CLDN16: variants seen among roughly 807,000 people sequenced by gnomAD.
The protein encoded by CLDN16 is claudin 16, also known as claudin-16.
CLDN16 carries 13 observed loss-of-function variants against 24.6 expected under a neutral mutation model. The observed-to-expected ratio is 0.53, with a 90% CI of 0.34 to 0.84. The LOEUF (loss-of-function observed/expected upper bound fraction) is 0.84, where lower values mean the gene tolerates loss of function less well. CLDN16 is among the 40% of genes least tolerant of loss of function. The pLI is 0.01. For synonymous variants in CLDN16, 116 were observed against 106.7 expected, an observed-to-expected ratio of 1.09 and a Z score of -0.54; for missense variants, 298 against 292.7, an observed-to-expected ratio of 1.02 and a Z score of -0.13.
intron 2 of CLDN16, among the ~76,000 whole-genome samples, chr3:190,372,480 C>A (rs142540793): frequency 4.6e-5 from 7 of 151,714 alleles, no homozygotes; most frequent in African/African-American, 1.2e-4. Context: ...CCCTTCCCCC[C>A]CAAAATAAAA....
At chr3:190,368,476 G>C (rs55641542) in intron 1 of CLDN16, among the ~76,000 whole-genome samples, 50,901 of 151,832 alleles carry the variant, frequency 0.34, 9,209 homozygotes, top group Middle Eastern at 0.53. Flanking sequence ...AATGTTTGTT[G>C]TTTTAAACTG....
intron 1 of CLDN16, among the ~76,000 whole-genome samples, chr3:190,355,905 A>T (rs1331713694): frequency 1.3e-5 from 2 of 151,068 alleles, no homozygotes; most frequent in African/African-American, 4.9e-5. Flanking sequence ...TGGTTCTTTT[A>T]TTTTTTTTAA....
chr3:190,316,101 A>G, the CLDN16 span, among the ~76,000 whole-genome samples: 7 of 152,232 alleles, frequency 4.6e-5, no homozygotes, highest in Non-Finnish European at 7.3e-5. Flanking sequence ...ATGATTGCTA[A>G]GAAACCTATC....
intron 1 of CLDN16, among the ~76,000 whole-genome samples, chr3:190,368,578 C>T (rs905048731): frequency 6.6e-6 from 1 of 151,922 alleles, no homozygotes; most frequent in African/African-American, 2.4e-5. Flanking sequence ...CTTCTTGAAA[C>T]AGTGATAGGA....
intron 3 of CLDN16, 31 bp downstream of exon 3, chr3:190,404,957 T>C (rs774781948): frequency 3.7e-6 from 6 of 1,609,682 alleles, no homozygotes; most frequent in South Asian, 3.3e-5. Flanking sequence ...GCAACAGGGG[T>C]AGGGAGACTC....
At chr3:190,348,206 G>A (rs1214350728) in intron 1 of CLDN16, among the ~76,000 whole-genome samples, 3 of 132,724 alleles carry the variant, frequency 2.3e-5, no homozygotes, top group Non-Finnish European at 3.1e-5. Context: ...AGTGAGCTGA[G>A]ATGGTGCCAC....
intron 3 of CLDN16, among the ~76,000 whole-genome samples, chr3:190,379,730 C>T (rs546062894): frequency 1.3e-5 from 2 of 152,094 alleles, no homozygotes; most frequent in Non-Finnish European, 2.9e-5. Context: ...TTTCTTAATA[C>T]AGTGATGCAC....
intron 1 of CLDN16, among the ~76,000 whole-genome samples, chr3:190,340,883 G>A (rs939264569): frequency 1.3e-5 from 2 of 152,262 alleles, no homozygotes; most frequent in Middle Eastern, 3.4e-3. Context: ...AAACAAAGGG[G>A]TTACAGGCCC....
the CLDN16 span, among the ~76,000 whole-genome samples, chr3:190,309,716 C>T: frequency 4.6e-5 from 7 of 152,096 alleles, no homozygotes; most frequent in Non-Finnish European, 7.3e-5. Flanking sequence ...AATAGCTTTA[C>T]GTGTAAAAAT....
intron 1 of CLDN16, among the ~76,000 whole-genome samples, chr3:190,370,346 C>T (rs1718112921): frequency 6.6e-6 from 1 of 151,902 alleles, no homozygotes; most frequent in Non-Finnish European, 1.5e-5. Context: ...TATGTTGTAT[C>T]TTTAGCTACC....
At chr3:190,295,557 G>C in the CLDN16 span, among the ~76,000 whole-genome samples, 2 of 152,086 alleles carry the variant, frequency 1.3e-5, no homozygotes, top group Non-Finnish European at 2.9e-5. Context: ...GGAATACTAG[G>C]CTGTTTTGTA....
At position 190,411,718 on chromosome 3, in the gene CLDN16, A is replaced by G. The variant is rs1719290527; in HGVS notation, c.*1682A>G. 1 of 152,172 alleles carries G rather than the reference A, an allele frequency of 6.6e-6. No individual in the cohort carries two copies. The highest frequency in any genetic ancestry group is 2.4e-5 in the African/African-American group (1 of 41,452). 9.4% of individuals were successfully genotyped at this position (152,172 alleles called of 1,614,324 possible). A position where few individuals can be genotyped will look rare whatever the true frequency, so the allele number is the denominator to read the frequency against. The stretch of plus-strand genomic sequence containing the variant: ...TACTTCCCAGAGTATCTTTAACAGT[A>G]TTCTCTGAAGCAGTTCCAATCTAGT... On this transcript the variant is annotated 3_prime_UTR_variant, in exon 5 of 5. Coordinates refer to ENST00000264734, the MANE Select transcript of CLDN16 (RefSeq NM_006580.4).
At chr3:190,352,681 C>T (rs533067456) in intron 1 of CLDN16, among the ~76,000 whole-genome samples, 1 of 151,954 alleles carries the variant, frequency 6.6e-6, no homozygotes, top group Admixed American at 6.6e-5. Context: ...TAAGCAAAAG[C>T]TACTATTCTA....
chr3:190,303,834 A>C, the CLDN16 span, among the ~76,000 whole-genome samples: 22 of 152,324 alleles, frequency 1.4e-4, no homozygotes, highest in African/African-American at 5.1e-4. Flanking sequence ...TGCCAAAGAA[A>C]CATGACAAAA....
chr3:190,341,128 G>A (rs1022962441), intron 1 of CLDN16, among the ~76,000 whole-genome samples: 1 of 152,144 alleles, frequency 6.6e-6, no homozygotes, highest in Non-Finnish European at 1.5e-5. Context: ...GCCGTCAGTG[G>A]ATCTACCATT....
At chr3:190,320,173 G>A (rs968463010), upstream of CLDN16, among the ~76,000 whole-genome samples, 1 of 152,222 alleles carries the variant, frequency 6.6e-6, no homozygotes, top group Non-Finnish European at 1.5e-5. Flanking sequence ...ATTATCATGT[G>A]TAAGGATGAT....
chr3:190,313,336 G>A, the CLDN16 span: 1 of 365,292 alleles, frequency 2.7e-6, no homozygotes, highest in Non-Finnish European at 5.1e-6. Flanking sequence ...AGGGTTAGCT[G>A]AACTAATACA....
chr3:190,366,497 G>A (rs1054979535), intron 1 of CLDN16, among the ~76,000 whole-genome samples: 1 of 151,876 alleles, frequency 6.6e-6, no homozygotes, highest in Non-Finnish European at 1.5e-5. Context: ...ACATTCCCTG[G>A]GGAAACAGAC....
In CLDN16 at chr3:190,351,166, C is replaced by T. The variant is rs1717665093; in HGVS notation, n.122-19727C>T. ...ATATAGATAAGTCTGTTCATTTTCA[C>T]CATCCACCTTGATTGGAAGCTTCCT... On this transcript the variant is annotated intron_variant and non_coding_transcript_variant, in intron 1 of 4. Coordinates refer to the CLDN16 transcript ENST00000468220. Among the ~76,000 whole-genome samples, 3 of 151,972 alleles carry T rather than the reference C, an allele frequency of 2.0e-5. No homozygotes were observed. The South Asian group carries it at 6.3e-4, about 32-fold the overall frequency.
Sources: gnomAD v4.1 joint callset for allele counts (sites outside exome capture counted in the v4.1 genomes callset) on GRCh38, gnomAD v4.1.1 for gene constraint, MANE v1.5 for transcripts, NCBI Gene and HGNC (gene_info 2026-07-23, HGNC 2026-07-21) for gene names.